The following NSMCE2 variants were observed in gnomAD, a reference collection of about 807,000 sequenced individuals.
NSMCE2 encodes the protein NSE2 SUMO ligase component of SMC5/6 complex, also known as E3 SUMO-protein ligase NSE2.
NSMCE2 carries 24 observed loss-of-function variants against 23.8 expected under a neutral mutation model. The observed-to-expected ratio is 1.01, with a 90% CI of 0.73 to 1.42. NSMCE2 has a LOEUF of 1.42. Ranked by LOEUF, NSMCE2 falls within the 40% of genes most tolerant of loss-of-function variation. The pLI, the probability that NSMCE2 is intolerant of heterozygous loss-of-function variation, is 0.00. For synonymous variants in NSMCE2, 92 were observed against 94.1 expected (o/e 0.98, Z 0.13); for missense variants, 284 against 296.5 (o/e 0.96, Z 0.31).
At chr8:125,251,459 A>G (rs2384909) in intron 5 of NSMCE2, among the ~76,000 whole-genome samples, 1 of 152,254 alleles carries the variant, frequency 6.6e-6, no homozygotes, top group African/African-American at 2.4e-5. Context: ...ATATTAATGT[A>G]GAAGAGGAAA....
intron 5 of NSMCE2, among the ~76,000 whole-genome samples, chr8:125,316,843 ATCACAGT>A (rs1432556490): frequency 2.7e-5 from 4 of 149,140 alleles, no homozygotes; most frequent in African/African-American, 1.0e-4. Flanking sequence ...AAGTAGCATG[ATCACAGT>A]TCACTGCAGA....
At chr8:125,156,589 T>A (rs1342188480) in intron 4 of NSMCE2, among the ~76,000 whole-genome samples, 1 of 152,208 alleles carries the variant, frequency 6.6e-6, no homozygotes, top group East Asian at 1.9e-4. Flanking sequence ...ATAAATTCGT[T>A]CATGGATATG....
At chr8:125,347,971 A>G (rs1399866972) in intron 5 of NSMCE2, among the ~76,000 whole-genome samples, 2 of 152,252 alleles carry the variant, frequency 1.3e-5, no homozygotes, top group East Asian at 1.9e-4. Context: ...GATCTTCCTC[A>G]TTGAGCCAGA....
rs184363897 is a variant in NSMCE2 at position 125,216,352 on chromosome 8, C to T, written c.418+34096C>T. Among the ~76,000 whole-genome samples the T allele has an allele frequency of 5.9e-3, 901 of 152,228 alleles. 9 individuals are homozygous for T. Among genetic ancestry groups the T allele is most frequent in the Admixed American group, 0.011 (172 of 15,284 alleles). ...AAGTGGAATAGCTGAATCAAATGATCTGTGGGTCCGGGCGCGATGGCTCAT... is the reference window on the plus strand; with the variant it reads ...AAGTGGAATAGCTGAATCAAATGATTTGTGGGTCCGGGCGCGATGGCTCAT... On this transcript the variant is annotated intron_variant, in intron 5 of 7. Transcript: ENST00000287437.
rs189738056 is a variant in NSMCE2 at position 125,241,374 on chromosome 8, T to A, written c.418+59118T>A. On this transcript the variant is annotated intron_variant, in intron 5 of 7. Coordinates refer to ENST00000287437, the MANE Select transcript of NSMCE2 (RefSeq NM_173685.4). ...AGATAGGCAATCAAATATACAATTA[T>A]AATACAGAATACATTCAATAATAGT... Among the ~76,000 whole-genome samples the A allele has an allele frequency of 2.0e-5, 3 of 152,320 alleles. No homozygotes were observed. The East Asian group carries it at 5.8e-4, about 29-fold the overall frequency.
intron 5 of NSMCE2, among the ~76,000 whole-genome samples, chr8:125,266,693 T>C (rs1035358802): frequency 2.0e-5 from 3 of 152,222 alleles, no homozygotes; most frequent in Admixed American, 2.0e-4. Flanking sequence ...AGATCCAGTA[T>C]ACCTGTTGGG....
At chr8:125,110,486 A>T (rs771458872) in intron 3 of NSMCE2, among the ~76,000 whole-genome samples, 1 of 152,136 alleles carries the variant, frequency 6.6e-6, no homozygotes, top group Non-Finnish European at 1.5e-5. Flanking sequence ...TACATGTGCT[A>T]TTTCATTTGA....
intron 5 of NSMCE2, among the ~76,000 whole-genome samples, chr8:125,198,520 G>T (rs1318884258): frequency 6.6e-6 from 1 of 152,196 alleles, no homozygotes; most frequent in South Asian, 2.1e-4. Context: ...AACCAGCCTT[G>T]CATCCCAGGG....
chr8:125,178,422 A>C (rs532530402), intron 4 of NSMCE2, among the ~76,000 whole-genome samples: 1 of 152,332 alleles, frequency 6.6e-6, no homozygotes, highest in South Asian at 2.1e-4. Context: ...TATGGTACCT[A>C]CTATTTACTT....
intron 3 of NSMCE2, among the ~76,000 whole-genome samples, chr8:125,115,545 G>A (rs892647120): frequency 2.0e-5 from 3 of 152,190 alleles, no homozygotes; most frequent in Non-Finnish European, 4.4e-5. Flanking sequence ...GAAGTCAGGA[G>A]TTCAAGACCA....
chr8:125,152,449 A>G (rs939840245), intron 4 of NSMCE2, among the ~76,000 whole-genome samples: 1 of 152,218 alleles, frequency 6.6e-6, no homozygotes, highest in Non-Finnish European at 1.5e-5. Flanking sequence ...TTAGAAACTC[A>G]TTCTAATGTG....
Position 125,182,140 on chromosome 8 carries a change from AATT to A in NSMCE2, c.306_308del (p.Leu103del). ...CGTCCAGAAAAAATACCAGATTTAAAATTATTGGTAGAGAAGAAATTTTTGGCT... is the reference window on the plus strand; with the variant it reads ...CGTCCAGAAAAAATACCAGATTTAAAATTGGTAGAGAAGAAATTTTTGGCT... On this transcript the variant is annotated inframe_deletion, in exon 5 of 8. Transcript: ENST00000287437. 6.2e-7 allele frequency: 1 copy of A among 1,601,318 alleles called. No individual in the cohort carries two copies. The highest frequency in any genetic ancestry group is 8.5e-7 in the Non-Finnish European group (1 of 1,175,540).
rs748575269 is a variant in NSMCE2 at position 125,272,804 on chromosome 8, TAC to T, written c.419-84408_419-84407del. On this transcript the variant is annotated intron_variant, in intron 5 of 7. Coordinates refer to ENST00000287437, the MANE Select transcript of NSMCE2 (RefSeq NM_173685.4). ...ATATATATACACATGTGTATATATATACACACACGTATATATATACACATATA... is the reference window on the plus strand; with the variant it reads ...ATATATATACACATGTGTATATATATACACACGTATATATATACACATATA... Among the ~76,000 whole-genome samples the T allele has an allele frequency of 6.5e-3, 903 of 139,404 alleles. 58 individuals are homozygous for T. The highest frequency in any genetic ancestry group is 0.022 in the African/African-American group (803 of 36,910). The allele number at this position is 139,404 out of a possible 152,430, so 91.5% of individuals were successfully genotyped here.
chr8:125,284,015 G>A lies in NSMCE2; in HGVS notation c.419-73204G>A, dbSNP rs185937302. On this transcript the variant is annotated intron_variant, in intron 5 of 7. Coordinates refer to ENST00000287437, the MANE Select transcript of NSMCE2 (RefSeq NM_173685.4). ...AAAAATACAAAAAAATTAGCTGGGC[G>A]TGGTGGCGGGCGCCTGTAGTCTCAG... Among the ~76,000 whole-genome samples, 99 of 152,136 alleles carry A rather than the reference G, an allele frequency of 6.5e-4. No homozygotes were observed. The Middle Eastern group carries it at 0.014, about 21-fold the overall frequency.
At position 125,108,719 on chromosome 8, in the gene NSMCE2, T is replaced by C. The variant is rs978708593; in HGVS notation, c.157+6232T>C. ...TGTGATGTGAAGAGGGTAAGAAAGATGGATGAGTTTGGAAGTCTGTGTAAG... is the reference window on the plus strand; with the variant it reads ...TGTGATGTGAAGAGGGTAAGAAAGACGGATGAGTTTGGAAGTCTGTGTAAG... On this transcript the variant is annotated intron_variant, in intron 3 of 7. Coordinates refer to ENST00000287437, the MANE Select transcript of NSMCE2 (RefSeq NM_173685.4). 6.6e-4 allele frequency among the ~76,000 whole-genome samples: 101 copies of C among 152,294 alleles called. 1 individual carries two copies. The highest frequency in any genetic ancestry group is 2.3e-3 in the African/African-American group (96 of 41,564).
intron 5 of NSMCE2, among the ~76,000 whole-genome samples, chr8:125,208,449 A>G (rs1824199942): frequency 6.6e-6 from 1 of 152,234 alleles, no homozygotes; most frequent in Non-Finnish European, 1.5e-5. Flanking sequence ...TAGCATGGGT[A>G]AAATTTATAC....
At chr8:125,213,490 C>CTCTCCTCTCA (rs2130892266) in intron 5 of NSMCE2, among the ~76,000 whole-genome samples, 1 of 21,670 alleles carries the variant, frequency 4.6e-5, no homozygotes, top group South Asian at 2.3e-3. Context: ...CCCATGTCTC[C>CTCTCCTCTCA]TCTCCTCTCC....
intron 5 of NSMCE2, among the ~76,000 whole-genome samples, chr8:125,268,071 A>T (rs1296238236): frequency 6.6e-6 from 1 of 150,888 alleles, no homozygotes; most frequent in African/African-American, 2.4e-5. Context: ...CTCTATTTAA[A>T]AAAAAAAAAA....
At chr8:125,364,540 A>G (rs1425117378) in intron 7 of NSMCE2, among the ~76,000 whole-genome samples, 1 of 152,230 alleles carries the variant, frequency 6.6e-6, no homozygotes, top group Non-Finnish European at 1.5e-5. Flanking sequence ...GTGGGCAGGA[A>G]CCATGTATTT....
Sources: allele counts gnomAD v4.1 joint callset (sites outside exome capture counted in the v4.1 genomes callset), GRCh38; gene constraint gnomAD v4.1.1; transcripts MANE v1.5; gene names NCBI Gene and HGNC (gene_info 2026-07-23, HGNC 2026-07-21).